The following MCC variants were observed in gnomAD, a reference collection of about 807,000 sequenced individuals.
MCC encodes the protein colorectal mutant cancer protein.
A neutral mutation model predicts 116.2 loss-of-function variants in MCC; 90 were observed. The observed-to-expected ratio is 0.77, with a 90% CI of 0.65 to 0.92. The LOEUF is 0.92. Among genes scored for constraint, MCC ranks in the 40% least tolerant of loss-of-function variants. The pLI is 0.00. For synonymous variants in MCC, 578 were observed against 510.5 expected, an observed-to-expected ratio of 1.13 and a Z score of -1.78; for missense variants, 1,516 against 1,312.2, an observed-to-expected ratio of 1.16 and a Z score of -2.40.
chr5:113,482,073 T>A (rs918296131), intron 1 of MCC, among the ~76,000 whole-genome samples: 1 of 152,218 alleles, frequency 6.6e-6, no homozygotes, highest in Non-Finnish European at 1.5e-5. Context: ...AGGTTCATCC[T>A]TGTTATAGCA....
At chr5:113,346,775 A>G (rs1768144834) in intron 2 of MCC, among the ~76,000 whole-genome samples, 1 of 152,192 alleles carries the variant, frequency 6.6e-6, no homozygotes, top group African/African-American at 2.4e-5. Context: ...CAAGGCATCT[A>G]ATAATCAAAC....
In MCC at chr5:113,167,434, G is replaced by A. The variant is rs149215800; in HGVS notation, c.628-16012C>T. On this transcript the variant is annotated intron_variant, in intron 3 of 18. Transcript: ENST00000408903. Reference sequence around the variant, plus strand: ...CCGGAAAAGTGACTTAAATAGAACTGGAAATTTATTTAAAGTGATTGATAC... The same window carrying A: ...CCGGAAAAGTGACTTAAATAGAACTAGAAATTTATTTAAAGTGATTGATAC... Among the ~76,000 whole-genome samples, 395 of 152,170 alleles carry A rather than the reference G, an allele frequency of 2.6e-3. 1 individual carries two copies. Among genetic ancestry groups the A allele is most frequent in the African/African-American group, 9.1e-3 (379 of 41,486 alleles).
Position 113,207,226 on chromosome 5 carries a change from A to G in MCC, c.628-55804T>C, listed in dbSNP as rs1282466297. ...GACCTCACTGTTTACTAGTTATGCAACGGTGGGCAAATCATTCTGCCCCTT... is the reference window on the plus strand; with the variant it reads ...GACCTCACTGTTTACTAGTTATGCAGCGGTGGGCAAATCATTCTGCCCCTT... On this transcript the variant is annotated intron_variant, in intron 3 of 18. Coordinates refer to ENST00000408903, the MANE Select transcript of MCC (RefSeq NM_001085377.2). Among the ~76,000 whole-genome samples the G allele has an allele frequency of 9.2e-5, 14 of 152,338 alleles. No individual in the cohort carries two copies. The East Asian group carries it at 2.7e-3, about 29-fold the overall frequency.
In MCC at chr5:113,082,969, G is replaced by T; in HGVS notation, c.1675C>A (p.Gln559Lys). The T allele has an allele frequency of 6.2e-7, 1 of 1,614,178 alleles. No individual in the cohort carries two copies. The highest frequency in any genetic ancestry group is 8.5e-7 in the Non-Finnish European group (1 of 1,180,028). ...SVAEHLAHSL[Q>K]DCSNIQEIFQ... is the part of the protein sequence containing the mutation. ...ATCTCTTGGATATTGGAGCAGTCCT[G>T]AAGTGAGTGGGCCAGGTGTTCAGCC... The change falls in exon 11 of 19, where the codon CAG becomes AAG. Residue 559 changes from glutamine (Q) to lysine (K), a missense_variant. Coordinates refer to ENST00000408903, the MANE Select transcript of MCC (RefSeq NM_001085377.2).
At chr5:113,132,962 C>T (rs1264109529) in intron 5 of MCC, among the ~76,000 whole-genome samples, 1 of 152,152 alleles carries the variant, frequency 6.6e-6, no homozygotes, top group African/African-American at 2.4e-5. Flanking sequence ...AGATTTCAAA[C>T]TAGCAGAGCT....
chr5:113,234,955 G>A (rs1764075337), intron 3 of MCC, among the ~76,000 whole-genome samples: 1 of 152,180 alleles, frequency 6.6e-6, no homozygotes, highest in Admixed American at 6.5e-5. Context: ...TGAGTTCGCT[G>A]CCAGAAATTC....
At chr5:113,207,578 A>C (rs1762964345) in intron 3 of MCC, among the ~76,000 whole-genome samples, 1 of 152,204 alleles carries the variant, frequency 6.6e-6, no homozygotes, top group Non-Finnish European at 1.5e-5. Context: ...TCATCTGTCC[A>C]TCCACGTAGT....
rs576938981 is a variant in MCC, at chr5:113,204,810, C to G, written c.628-53388G>C. Among the ~76,000 whole-genome samples the G allele has an allele frequency of 2.0e-5, 3 of 152,322 alleles. No individual in the cohort carries two copies. The South Asian group carries it at 6.2e-4, about 32-fold the overall frequency. ...TTGCCATTTGTCAGATAGCAGACCT[C>G]AAATTCAAGGTGGATTAGTCTGGAA... is the stretch of plus-strand genomic sequence containing the variant. On this transcript the variant is annotated intron_variant, in intron 3 of 18. Coordinates refer to ENST00000408903, the MANE Select transcript of MCC (RefSeq NM_001085377.2).
chr5:113,083,092 A>G, intron 10 of MCC, 84 bp from the exon 11 acceptor site: 2 of 1,346,962 alleles, frequency 1.5e-6, no homozygotes, highest in Non-Finnish European at 2.0e-6. Context: ...TAAAGCTGAT[A>G]TTCCGTGAGA....
chr5:113,342,695 G>T (rs527485579), intron 2 of MCC, among the ~76,000 whole-genome samples: 4 of 152,326 alleles, frequency 2.6e-5, no homozygotes, highest in African/African-American at 9.6e-5. Flanking sequence ...TCCTTGTGTT[G>T]TTCACTTCAG....
At chr5:113,341,454 G>A (rs535152027) in intron 2 of MCC, among the ~76,000 whole-genome samples, 10 of 152,236 alleles carry the variant, frequency 6.6e-5, no homozygotes, top group African/African-American at 2.4e-4. Flanking sequence ...CAAAATGCTA[G>A]GATTACAGGT....
chr5:113,324,835 C>CTT (rs376266901), intron 3 of MCC, among the ~76,000 whole-genome samples: 4 of 144,436 alleles, frequency 2.8e-5, no homozygotes, highest in Non-Finnish European at 4.6e-5. Context: ...AGTTTTGGAA[C>CTT]TTTTTTTTTT....
At chr5:113,111,374 C>T (rs1018395720) in intron 6 of MCC, among the ~76,000 whole-genome samples, 2 of 152,118 alleles carry the variant, frequency 1.3e-5, no homozygotes, top group Non-Finnish European at 2.9e-5. Flanking sequence ...CTAAACAGTC[C>T]CAGTCAGAGA....
intron 1 of MCC, among the ~76,000 whole-genome samples, chr5:113,475,591 T>C (rs1381794463): frequency 1.3e-5 from 2 of 152,208 alleles, no homozygotes; most frequent in Non-Finnish European, 2.9e-5. Context: ...GGAAATGCCC[T>C]TTCTCTCCAT....
intron 11 of MCC, among the ~76,000 whole-genome samples, chr5:113,079,581 G>A (rs1754700327): frequency 6.6e-6 from 1 of 152,192 alleles, no homozygotes; most frequent in Admixed American, 6.5e-5. Flanking sequence ...TTAATAAATG[G>A]TGCTGGGAAA....
intron 6 of MCC, among the ~76,000 whole-genome samples, chr5:113,105,244 C>A (rs933197002): frequency 6.6e-6 from 1 of 152,222 alleles, no homozygotes; most frequent in Admixed American, 6.5e-5. Context: ...CCTAACCCTG[C>A]ATGAAAATTG....
chr5:113,400,473 G>A (rs1032743435), intron 1 of MCC, among the ~76,000 whole-genome samples: 1 of 151,988 alleles, frequency 6.6e-6, no homozygotes, highest in Non-Finnish European at 1.5e-5. Flanking sequence ...TGTAGTGAAA[G>A]AAAATACTTT....
chr5:113,484,903 G>A (rs571914970), intron 1 of MCC, among the ~76,000 whole-genome samples: 1 of 152,316 alleles, frequency 6.6e-6, no homozygotes, highest in South Asian at 2.1e-4. Flanking sequence ...TAAAGTCATT[G>A]TAAGGTTAAT....
At position 113,334,725 on chromosome 5, in the gene MCC, G is replaced by A. The variant is rs149315174; in HGVS notation, c.627+5794C>T. Among the ~76,000 whole-genome samples, 1,295 of 150,634 alleles carry A rather than the reference G, an allele frequency of 8.6e-3. 67 individuals are homozygous for A. Among genetic ancestry groups the A allele is most frequent in the African/African-American group, 0.031 (1,242 of 40,378 alleles). Reference sequence around the variant, plus strand: ...CTGGTCTCATCCTCCTGAGTAGCTGGGATTACAGGCACGCACCACCACACC... The same window carrying A: ...CTGGTCTCATCCTCCTGAGTAGCTGAGATTACAGGCACGCACCACCACACC... On this transcript the variant is annotated intron_variant, in intron 3 of 18. Coordinates refer to ENST00000408903, the MANE Select transcript of MCC (RefSeq NM_001085377.2).
Sources: gnomAD v4.1 joint callset for allele counts (sites outside exome capture counted in the v4.1 genomes callset) on GRCh38, gnomAD v4.1.1 for gene constraint, MANE v1.5 for transcripts, NCBI Gene and HGNC (gene_info 2026-07-23, HGNC 2026-07-21) for gene names.